The following SLC7A5 variants were observed in gnomAD, a reference collection of about 807,000 sequenced individuals.
The protein encoded by SLC7A5 is solute carrier family 7 member 5.
In SLC7A5, 23 loss-of-function variants were observed where a neutral mutation model predicts 50.2. That is an observed-to-expected ratio of 0.46 (90% confidence interval 0.33 to 0.65). The LOEUF (loss-of-function observed/expected upper bound fraction) is 0.65, where lower values mean the gene tolerates loss of function less well. Ranked by LOEUF, SLC7A5 falls within the 30% of genes least tolerant of loss-of-function variation. The pLI is 0.02. For missense variants in SLC7A5, 578 were observed against 684.4 expected, an observed-to-expected ratio of 0.84 and a Z score of 1.73; for synonymous variants, 393 against 330.6, an observed-to-expected ratio of 1.19 and a Z score of -2.05.
rs1597496306 is a variant in SLC7A5 at position 87,839,808 on chromosome 16, A to G, written c.833T>C (p.Ile278Thr). The change falls in exon 5 of 10, where the codon ATC becomes ACC. Residue 278 changes from isoleucine to threonine, a missense_variant. Coordinates refer to ENST00000261622, the MANE Select transcript of SLC7A5 (RefSeq NM_003486.7). ...CGTCACGATGGGCAGGGAGATGATG[A>G]TGGCCAGGGGCAGGTTTCTGGAAAG... ...INPYRNLPLA[I>T]IISLPIVTLV... is the part of the protein sequence containing the mutation. The G allele has an allele frequency of 1.9e-6, 3 of 1,613,848 alleles. No individual in the cohort carries two copies. The highest frequency in any genetic ancestry group is 2.2e-5 in the East Asian group (1 of 44,856).
Position 87,834,488 on chromosome 16 carries a change from A to C in SLC7A5, c.1394T>G (p.Ile465Ser). The change falls in exon 9 of 10, where the codon ATC becomes AGC. Residue 465 changes from isoleucine (I) to serine (S), a missense_variant. Transcript: ENST00000261622. ...GAAGTAGACGGGCAGCCCGCTGAGGATGATGGTGAAGCCGATGCCACACTC... is the reference window on the plus strand; with the variant it reads ...GAAGTAGACGGGCAGCCCGCTGAGGCTGATGGTGAAGCCGATGCCACACTC... The part of the protein sequence containing the change: ...PVECGIGFTI[I>S]LSGLPVYFFG... 1 of 1,581,990 alleles carries C rather than the reference A, an allele frequency of 6.3e-7. No individual in the cohort carries two copies. Among genetic ancestry groups the C allele is most frequent in the Non-Finnish European group, 8.6e-7 (1 of 1,165,024 alleles).
intron 2 of SLC7A5, among the ~76,000 whole-genome samples, chr16:87,847,325 G>C (rs573892868): frequency 2.0e-5 from 3 of 152,178 alleles, no homozygotes; most frequent in African/African-American, 7.2e-5. Context: ...CAGAAACATC[G>C]TCTGGGGGCT....
intron 1 of SLC7A5, among the ~76,000 whole-genome samples, chr16:87,866,957 A>G (rs77693796): frequency 0.021 from 3,218 of 151,182 alleles, 116 homozygotes; most frequent in African/African-American, 0.074. Context: ...TTTTTGAGAC[A>G]GGCTTGCTCT....
At chr16:87,843,999 C>T (rs1403179933) in intron 2 of SLC7A5, among the ~76,000 whole-genome samples, 2 of 152,186 alleles carry the variant, frequency 1.3e-5, no homozygotes, top group African/African-American at 2.4e-5. Context: ...GCCCACTCAT[C>T]CAGCAGCCAC....
At chr16:87,864,472 TA>T (rs1288236868) in intron 1 of SLC7A5, among the ~76,000 whole-genome samples, 1 of 152,116 alleles carries the variant, frequency 6.6e-6, no homozygotes, top group Non-Finnish European at 1.5e-5. Context: ...GAAGCCCCCC[TA>T]TAAGGGCAGG....
chr16:87,836,280 T>C (rs1372526999), intron 8 of SLC7A5, among the ~76,000 whole-genome samples: 1 of 152,248 alleles, frequency 6.6e-6, no homozygotes, highest in Non-Finnish European at 1.5e-5. Context: ...CTCTGTGCCA[T>C]CTGCTGTCCT....
intron 8 of SLC7A5, 86 bp downstream of exon 8, chr16:87,836,412 T>C (rs2055003908): frequency 6.7e-7 from 1 of 1,482,146 alleles, no homozygotes; most frequent in Non-Finnish European, 9.3e-7. Context: ...TGAGCTGGGA[T>C]GCTGGCTCCC....
At position 87,831,663 on chromosome 16, in the gene SLC7A5, C is replaced by CGG. The variant is rs5818648; in HGVS notation, c.*1305_*1306dup. 2.6e-4 allele frequency: 39 copies of CGG among 151,918 alleles called. No individual in the cohort carries two copies. The highest frequency in any genetic ancestry group is 8.4e-4 in the African/African-American group (35 of 41,426). The allele number at this position is 151,918 out of a possible 1,614,324, so 9.4% of individuals were successfully genotyped here. A position where few individuals can be genotyped will look rare whatever the true frequency, so the allele number is the denominator to read the frequency against. On this transcript the variant is annotated 3_prime_UTR_variant, in exon 10 of 10. Coordinates refer to ENST00000261622, the MANE Select transcript of SLC7A5 (RefSeq NM_003486.7). ...CCCCCCGAGCTCAGGAGGGATCCTG[C>CGG]GGGGTCTTCTTGTTCTGGGGGTCCC... is the stretch of plus-strand genomic sequence containing the variant.
At chr16:87,851,905 G>A (rs2055230573) in intron 1 of SLC7A5, 56 bp from the exon 2 acceptor site, 1 of 1,609,796 alleles carries the variant, frequency 6.2e-7, no homozygotes, top group Non-Finnish European at 8.5e-7. Context: ...CCAGCTCAGG[G>A]GTAGGCTGGG....
intron 9 of SLC7A5, among the ~76,000 whole-genome samples, chr16:87,834,046 G>A (rs2054965675): frequency 6.6e-6 from 1 of 152,132 alleles, no homozygotes; most frequent in South Asian, 2.1e-4. Flanking sequence ...TAGAGACAGA[G>A]TTTCACCATG....
intron 1 of SLC7A5, among the ~76,000 whole-genome samples, chr16:87,858,442 C>T (rs1213434145): frequency 1.3e-5 from 2 of 152,174 alleles, no homozygotes; most frequent in African/African-American, 4.8e-5. Context: ...CACTCCAAAC[C>T]CTCTACAGCT....
Position 87,854,072 on chromosome 16 carries a change from G to GCCGC in SLC7A5, c.539-2224_539-2223insGCGG, listed in dbSNP as rs1555515354. 2.3e-3 allele frequency: 208 copies of GCCGC among 89,512 alleles called. 1 individual carries two copies. The highest frequency in any genetic ancestry group is 5.1e-3 in the Admixed American group (43 of 8,498). 5.5% of individuals were successfully genotyped at this position (89,512 alleles called of 1,614,324 possible). On this transcript the variant is annotated intron_variant, in intron 1 of 9. Transcript: ENST00000261622. Reference sequence around the variant, plus strand: ...GTGGGACAGAGGCCAGGACCCCCCCGCCCCCCCCCCCACCGCCAGCCTGAC... The same window carrying GCCGC: ...GTGGGACAGAGGCCAGGACCCCCCCGCCGCCCCCCCCCCCCACCGCCAGCCTGAC...
rs549110498 is a variant in SLC7A5, at chr16:87,867,370, C to T, written c.538+1515G>A. ...AAAAAGAAATCAGAGTCATCCCCTA[C>T]ATTCACATCTCCAACGCCCAGCTGG... On this transcript the variant is annotated intron_variant, in intron 1 of 9. Transcript: ENST00000261622. Among the ~76,000 whole-genome samples the T allele has an allele frequency of 5.3e-5, 8 of 152,328 alleles. 1 individual carries two copies. In the East Asian group the frequency reaches 1.5e-3, roughly 29 times the overall value.
chr16:87,834,552 G>C lies in SLC7A5; in HGVS notation c.1330C>G (p.Leu444Val). 1 of 1,598,944 alleles carries C rather than the reference G, an allele frequency of 6.3e-7. No homozygotes were observed. The highest frequency in any genetic ancestry group is 8.5e-7 in the Non-Finnish European group (1 of 1,174,450). Residue 444 changes from leucine to valine, a missense_variant, in exon 9 of 10, where the codon CTC (leucine) becomes GTC (valine). By Grantham distance (32) the Leu-to-Val change is conservative (BLOSUM62 1). Coordinates refer to ENST00000261622, the MANE Select transcript of SLC7A5 (RefSeq NM_003486.7). ...CAGAAGGAGACGGCGATCAGGAAGAGGCAGGCCAGGATGAAGAACACAGGC... is the reference window on the plus strand; with the variant it reads ...CAGAAGGAGACGGCGATCAGGAAGACGCAGGCCAGGATGAAGAACACAGGC... ...ALPVFFILAC[L>V]FLIAVSFWKT...
chr16:87,840,247 C>T (rs961019081), intron 4 of SLC7A5, among the ~76,000 whole-genome samples, 182 bp downstream of exon 4: 1 of 152,252 alleles, frequency 6.6e-6, no homozygotes, highest in African/African-American at 2.4e-5. Flanking sequence ...CTGGAGAAAC[C>T]GTGCTCAAGG....
At chr16:87,835,423 C>T (rs1358445320) in intron 8 of SLC7A5, among the ~76,000 whole-genome samples, 1 of 152,252 alleles carries the variant, frequency 6.6e-6, no homozygotes. Context: ...GCGGCTCCTC[C>T]CTGCCCTCTG....
intron 7 of SLC7A5, 32 bp from the exon 8 acceptor site, chr16:87,836,679 G>T: frequency 6.2e-7 from 1 of 1,607,980 alleles, no homozygotes; most frequent in Non-Finnish European, 8.5e-7. Context: ...CTGAGCCCTG[G>T]GGCCCACGAG....
Position 87,869,118 on chromosome 16 carries a change from C to T in SLC7A5, c.305G>A (p.Cys102Tyr), listed in dbSNP as rs780934209. 1.9e-6 allele frequency: 3 copies of T among 1,611,842 alleles called. No individual in the cohort carries two copies. The highest frequency in any genetic ancestry group is 2.5e-6 in the Non-Finnish European group (3 of 1,179,764). ...GATGGTGGTGCCGAGCTCCGCGTAG[C>T]AGAGCGCGCCCACGATGGAGAAGAC... The part of the protein sequence containing the change: ...CGVFSIVGAL[C>Y]YAELGTTISK... The change falls in exon 1 of 10, where the codon TGC becomes TAC. Residue 102 changes from cysteine (C) to tyrosine (Y), a missense_variant. Physicochemically the swap from Cys to Tyr is radical, Grantham distance 194. This residue lies in a region of SLC7A5 where 465 missense variants were observed against 594.6 expected (regional missense o/e 0.78). Transcript: ENST00000261622.
In SLC7A5 at chr16:87,833,721, C is replaced by A. The variant is rs1305070684; in HGVS notation, c.1468+693G>T. Among the ~76,000 whole-genome samples the A allele has an allele frequency of 1.3e-5, 2 of 152,118 alleles. No homozygotes were observed. The highest frequency in any genetic ancestry group is 2.9e-5 in the Non-Finnish European group (2 of 68,028). On this transcript the variant is annotated intron_variant, in intron 9 of 9. Coordinates refer to ENST00000261622, the MANE Select transcript of SLC7A5 (RefSeq NM_003486.7). This position sits in a 1 kb window ranked among gnomAD's most constrained non-coding sequence, Gnocchi z 6.0. Reference sequence around the variant, plus strand: ...AGTGACATGGGGATCAGCATGTAGGCCCGCAAGCACCCCGGCCTTTTTCTA... The same window carrying A: ...AGTGACATGGGGATCAGCATGTAGGACCGCAAGCACCCCGGCCTTTTTCTA...
Sources: gnomAD v4.1 joint callset for allele counts (sites outside exome capture counted in the v4.1 genomes callset) on GRCh38, gnomAD v4.1.1 for gene constraint, gnomAD v4.1.1 regional missense constraint, Gnocchi (gnomAD v3.1) non-coding constraint, MANE v1.5 for transcripts, NCBI Gene and HGNC (gene_info 2026-07-23, HGNC 2026-07-21) for gene names.